Variants in FAM184A observed in about 807,000 individuals in gnomAD.
FAM184A encodes family with sequence similarity 184 member A.
Under a neutral mutation model 143.8 loss-of-function variants are expected in FAM184A, and 99 were observed. The observed-to-expected ratio is 0.69, with a 90% confidence interval of 0.58 to 0.81. The LOEUF (loss-of-function observed/expected upper bound fraction) is 0.81. Among genes scored for constraint, FAM184A ranks in the 40% least tolerant of loss-of-function variants. The pLI is 0.00. For synonymous variants in FAM184A, 427 were observed against 446.4 expected, an observed-to-expected ratio of 0.96 and a Z score of 0.55; for missense variants, 1,217 against 1,310.5, an observed-to-expected ratio of 0.93 and a Z score of 1.10.
At chr6:118,960,492 C>T (rs931367095) in intron 17 of FAM184A, among the ~76,000 whole-genome samples, 42 of 152,234 alleles carry the variant, frequency 2.8e-4, no homozygotes, top group African/African-American at 9.9e-4. Flanking sequence ...TTGTGGGAAA[C>T]GAGAGAATAA....
chr6:118,979,705 A>G (rs1276092296), intron 10 of FAM184A, among the ~76,000 whole-genome samples, 187 bp from the exon 11 acceptor site: 1 of 152,218 alleles, frequency 6.6e-6, no homozygotes, highest in Non-Finnish European at 1.5e-5. Context: ...TCAGTAGAAT[A>G]AAGAAATCAT....
chr6:119,070,959 T>G (rs1462773275), intron 1 of FAM184A, among the ~76,000 whole-genome samples: 1 of 152,108 alleles, frequency 6.6e-6, no homozygotes, highest in African/African-American at 2.4e-5. Context: ...TAACAGTATT[T>G]TATCAATACT....
At chr6:119,085,262 GA>G (rs1291828714) in intron 1 of FAM184A, among the ~76,000 whole-genome samples, 2 of 152,108 alleles carry the variant, frequency 1.3e-5, no homozygotes, top group Non-Finnish European at 2.9e-5. Flanking sequence ...CATACATTGA[GA>G]AGCAGCCAGG....
intron 3 of FAM184A, among the ~76,000 whole-genome samples, chr6:119,020,719 A>T (rs1306522999): frequency 6.6e-6 from 1 of 152,206 alleles, no homozygotes; most frequent in African/African-American, 2.4e-5. Context: ...TGGAGCTTGT[A>T]GTTCCAGCTA....
At chr6:119,033,516 TTA>T (rs1266350661) in intron 1 of FAM184A, among the ~76,000 whole-genome samples, 4 of 151,506 alleles carry the variant, frequency 2.6e-5, no homozygotes, top group African/African-American at 9.7e-5. Flanking sequence ...ATACAAAAAA[TTA>T]TCTGGGCGTA....
chr6:119,138,805 T>G (rs911355935), intron 1 of FAM184A, among the ~76,000 whole-genome samples: 4 of 152,088 alleles, frequency 2.6e-5, no homozygotes, highest in African/African-American at 9.7e-5. Context: ...TTTTGTATTT[T>G]TAGTAGAGAC....
intron 9 of FAM184A, among the ~76,000 whole-genome samples, chr6:118,995,433 A>G (rs1230031250): frequency 2.0e-5 from 3 of 152,190 alleles, no homozygotes; most frequent in Non-Finnish European, 4.4e-5. Context: ...AAAGAAAAAA[A>G]ATGTCCAATT....
intron 8 of FAM184A, 146 bp from the exon 9 acceptor site, chr6:119,003,195 G>A (rs2114640610): frequency 1.3e-6 from 1 of 748,330 alleles, no homozygotes; most frequent in Non-Finnish European, 2.0e-6. Flanking sequence ...CTTAAGGGCT[G>A]TAAAGTAAAT....
rs536593532 is a variant in FAM184A at position 119,016,637 on chromosome 6, C to T, written c.1530+110G>A. 13 of 873,650 alleles carry T rather than the reference C, an allele frequency of 1.5e-5. No individual in the cohort carries two copies. The East Asian group carries it at 2.4e-4, about 16-fold the overall frequency. The allele number at this position is 873,650 out of a possible 1,614,324, so 54.1% of individuals were successfully genotyped here. ...AGCTGTAACACTCACCGCGGGGGTC[C>T]GTGGGTTTATTCTTGAAGTCAGTGA... is the stretch of plus-strand genomic sequence containing the variant. On this transcript the variant is annotated intron_variant, in intron 5 of 17. Transcript: ENST00000338891.
At position 118,974,529 on chromosome 6, in the gene FAM184A, A is replaced by T. The variant is rs762729534; in HGVS notation, c.2814T>A (p.Asp938Glu). 2 of 1,610,646 alleles carry T rather than the reference A, an allele frequency of 1.2e-6. No homozygotes were observed. Among genetic ancestry groups the T allele is most frequent in the Non-Finnish European group, 1.7e-6 (2 of 1,178,480 alleles). The change falls in exon 14 of 18, where the codon GAT becomes GAA. Residue 938 changes from aspartate (D) to glutamate (E), a missense_variant. Coordinates refer to ENST00000338891, the MANE Select transcript of FAM184A (RefSeq NM_024581.6). ...CTCTGAGGTGGTCTGCTGTCATGAC[A>T]TCCAACTCTTTTTCAAGTCTCTTGT... ...DLNKRLEKEL[D>E]VMTADHLREK...
intron 1 of FAM184A, among the ~76,000 whole-genome samples, chr6:119,034,152 A>C (rs1358470448): frequency 6.6e-6 from 1 of 150,518 alleles, no homozygotes; most frequent in African/African-American, 2.4e-5. Context: ...TAAAATGAGG[A>C]GATCATAAAC....
intron 1 of FAM184A, among the ~76,000 whole-genome samples, chr6:119,125,302 A>T (rs1358739995): frequency 6.6e-6 from 1 of 152,102 alleles, no homozygotes; most frequent in Non-Finnish European, 1.5e-5. Flanking sequence ...TTTGAGATGG[A>T]GTCTTGCTCT....
chr6:119,032,852 C>A (rs980004022), intron 1 of FAM184A, among the ~76,000 whole-genome samples: 1 of 152,134 alleles, frequency 6.6e-6, no homozygotes, highest in African/African-American at 2.4e-5. Flanking sequence ...ATCTTCAATT[C>A]TTCTAGTTGA....
At chr6:119,112,702 T>A (rs1301338145) in intron 1 of FAM184A, among the ~76,000 whole-genome samples, 1 of 152,226 alleles carries the variant, frequency 6.6e-6, no homozygotes, top group Non-Finnish European at 1.5e-5. Flanking sequence ...TGAATTTTAT[T>A]CTTTTGGAAA....
intron 7 of FAM184A, chr6:119,005,982 C>A: frequency 1.6e-6 from 1 of 640,028 alleles, no homozygotes; most frequent in Non-Finnish European, 2.9e-6. Context: ...ATACCGAAGT[C>A]CTACCCTCCC....
intron 1 of FAM184A, among the ~76,000 whole-genome samples, chr6:119,108,930 T>C (rs1487978178): frequency 6.6e-6 from 1 of 152,218 alleles, no homozygotes; most frequent in African/African-American, 2.4e-5. Context: ...GACTCAATAC[T>C]ACAAACCTAA....
chr6:119,016,444 T>G (rs1785257173), intron 5 of FAM184A, among the ~76,000 whole-genome samples: 1 of 151,980 alleles, frequency 6.6e-6, no homozygotes, highest in African/African-American at 2.4e-5. Flanking sequence ...ACGAGCCCAC[T>G]GGGAGGAACG....
At chr6:118,962,866 A>G (rs1783379054) in intron 16 of FAM184A, 1 of 152,116 alleles carries the variant, frequency 6.6e-6, no homozygotes, top group Non-Finnish European at 1.5e-5. Flanking sequence ...GAATATTCTC[A>G]TATTTTACTA....
intron 14 of FAM184A, among the ~76,000 whole-genome samples, chr6:118,967,771 A>G (rs1783546577): frequency 6.6e-6 from 1 of 152,210 alleles, no homozygotes; most frequent in Non-Finnish European, 1.5e-5. Context: ...AATTTTAAAA[A>G]TCTTGTTTTC....
Sources: allele counts gnomAD v4.1 joint callset (sites outside exome capture counted in the v4.1 genomes callset), GRCh38; gene constraint gnomAD v4.1.1; transcripts MANE v1.5; gene names NCBI Gene and HGNC (gene_info 2026-07-23, HGNC 2026-07-21).